VPS53: variants seen among roughly 807,000 people sequenced by gnomAD.
The protein encoded by VPS53 is VPS53 subunit of GARP complex.
Under a neutral mutation model 107.0 loss-of-function variants are expected in VPS53, and 70 were observed. That is an observed-to-expected ratio of 0.65 (90% CI 0.54 to 0.80). VPS53 has a LOEUF of 0.80. VPS53 is among the 30% of genes least tolerant of loss of function. VPS53 has a pLI of 0.00. For synonymous variants in VPS53, 409 were observed against 393.3 expected (o/e 1.04, Z -0.47); for missense variants, 917 against 1,049.4 (o/e 0.87, Z 1.74).
Position 537,054 on chromosome 17 carries a change from G to A in VPS53, c.1989C>T (p.Phe663=), listed in dbSNP as rs770117436. Residue 663 remains phenylalanine (F), a synonymous_variant, in exon 18 of 22, where the codon TTC becomes TTT. Transcript: ENST00000437048. The part of the protein sequence containing the change: ...RDNLASTRKY[F]TQFCVKFANS... ...TTGCAAATTTAACGCAGAACTGAGT[G>A]AAGTACTTGCGTGTGGAAGCCAGGT... 2 of 1,614,096 alleles carry A rather than the reference G, an allele frequency of 1.2e-6. No individual in the cohort carries two copies. The highest frequency in any genetic ancestry group is 3.3e-5 in the Admixed American group (2 of 60,002).
intron 5 of VPS53, chr17:657,420 G>A (rs1971238102): frequency 2.3e-6 from 2 of 861,204 alleles, no homozygotes; most frequent in African/African-American, 1.7e-5. Context: ...AATGATGAGG[G>A]GAAGACACTC....
chr17:664,654 T>C (rs1276905008), intron 4 of VPS53, among the ~76,000 whole-genome samples: 1 of 152,152 alleles, frequency 6.6e-6, no homozygotes, highest in African/African-American at 2.4e-5. Flanking sequence ...TCCTGGCTGC[T>C]GTGTGGCAAA....
intron 15 of VPS53, among the ~76,000 whole-genome samples, chr17:555,765 A>C (rs1912287989): frequency 6.6e-6 from 1 of 152,230 alleles, no homozygotes; most frequent in Non-Finnish European, 1.5e-5. Context: ...CATCATTATG[A>C]TGTAGTTTTC....
intron 12 of VPS53, among the ~76,000 whole-genome samples, chr17:593,603 G>A (rs920134619): frequency 7.1e-4 from 108 of 152,264 alleles, no homozygotes; most frequent in African/African-American, 2.3e-3. Context: ...TCAAAACCAC[G>A]ATGAGATACC....
intron 4 of VPS53, among the ~76,000 whole-genome samples, chr17:682,630 C>G (rs905579336): frequency 1.1e-4 from 17 of 152,212 alleles, no homozygotes; most frequent in African/African-American, 3.9e-4. Context: ...CACCCACTCT[C>G]AGGCTCTTTT....
chr17:522,016 G>A (rs1908800929), intron 19 of VPS53, among the ~76,000 whole-genome samples: 2 of 152,160 alleles, frequency 1.3e-5, no homozygotes, highest in South Asian at 4.1e-4. Flanking sequence ...CACTTCAGGA[G>A]GGCCAGGCAG....
At chr17:708,391 T>TA (rs1973499049) in intron 2 of VPS53, among the ~76,000 whole-genome samples, 1 of 152,210 alleles carries the variant, frequency 6.6e-6, no homozygotes, top group African/African-American at 2.4e-5. Flanking sequence ...TCTTTGCACT[T>TA]ATCAGAAAGA....
chr17:714,790 C>A lies in VPS53; in HGVS notation c.-81G>T. 1.3e-6 allele frequency: 2 copies of A among 1,524,734 alleles called. No individual in the cohort carries two copies. Among genetic ancestry groups the A allele is most frequent in the Non-Finnish European group, 9.1e-7 (1 of 1,102,152 alleles). The allele number at this position is 1,524,734 out of a possible 1,614,324, so 94.5% of individuals were successfully genotyped here. On this transcript the variant is annotated 5_prime_UTR_variant, in exon 1 of 22. Coordinates refer to ENST00000437048, the MANE Select transcript of VPS53 (RefSeq NM_001128159.3). ...CGCCACCCAGGCCCCAGCACAGCAACTCCCTCGCGGCAGCGACCTGGTGAG... is the reference window on the plus strand; with the variant it reads ...CGCCACCCAGGCCCCAGCACAGCAAATCCCTCGCGGCAGCGACCTGGTGAG...
chr17:547,473 G>T (rs946628595), intron 17 of VPS53, among the ~76,000 whole-genome samples: 8 of 152,140 alleles, frequency 5.3e-5, no homozygotes. Context: ...GTCAGGAGGG[G>T]CAAATCTATA....
Position 656,700 on chromosome 17 carries a change from A to ATGTGTGTGTGTGTGTGTG in VPS53, c.373-765_373-748dup, listed in dbSNP as rs34123743. On this transcript the variant is annotated intron_variant, in intron 5 of 21. Coordinates refer to ENST00000437048, the MANE Select transcript of VPS53 (RefSeq NM_001128159.3). ...TTTCTTGGTCCATGCTGACTAAGAA[A>ATGTGTGTGTGTGTGTGTG]TGTGTGTGTGTGTGTGTGTGTGTGT... 525 of 554,616 alleles carry ATGTGTGTGTGTGTGTGTG rather than the reference A, an allele frequency of 9.5e-4. 4 individuals carry two copies. Among genetic ancestry groups the ATGTGTGTGTGTGTGTGTG allele is most frequent in the African/African-American group, 8.3e-3 (432 of 52,084 alleles). The allele number at this position is 554,616 out of a possible 1,614,324, so 34.4% of individuals were successfully genotyped here. A position where few individuals can be genotyped will look rare whatever the true frequency, so the allele number is the denominator to read the frequency against.
In VPS53 at chr17:653,190, T is replaced by C. The variant is rs1018232960; in HGVS notation, c.608+101A>G. 1.9e-6 allele frequency: 3 copies of C among 1,559,954 alleles called. No homozygotes were observed. The African/African-American group carries it at 4.1e-5, about 21-fold the overall frequency. ...TTACCTTTTGGAAAGCTGCCGGATC[T>C]GCGGAATCCCCATATACTTTCCCTC... On this transcript the variant is annotated intron_variant, in intron 7 of 21. Coordinates refer to ENST00000437048, the MANE Select transcript of VPS53 (RefSeq NM_001128159.3).
At chr17:546,870 C>CTTTTTTTTT (rs60940748) in intron 17 of VPS53, among the ~76,000 whole-genome samples, 1 of 83,334 alleles carries the variant, frequency 1.2e-5, no homozygotes, top group Non-Finnish European at 2.2e-5. Flanking sequence ...CCCTTAGATC[C>CTTTTTTTTT]TTTTTTTTTT....
rs1908001628 is a variant in VPS53 at position 512,407 on chromosome 17, C to A, written c.*6721G>T. The A allele has an allele frequency of 6.6e-6, 1 of 152,216 alleles. No homozygotes were observed. Among genetic ancestry groups the A allele is most frequent in the Non-Finnish European group, 1.5e-5 (1 of 68,044 alleles). 9.4% of individuals were successfully genotyped at this position (152,216 alleles called of 1,614,324 possible). A position where few individuals can be genotyped will look rare whatever the true frequency, so the allele number is the denominator to read the frequency against. On this transcript the variant is annotated 3_prime_UTR_variant, in exon 22 of 22. Coordinates refer to ENST00000437048, the MANE Select transcript of VPS53 (RefSeq NM_001128159.3). ...AGTGCCAGGTCCAAATCAAGACCTG[C>A]AGATCAAGTCTTCTGTGGATGCTTC... is the stretch of plus-strand genomic sequence containing the variant.
At chr17:615,967 C>T (rs976729540) in intron 11 of VPS53, 2 of 152,208 alleles carry the variant, frequency 1.3e-5, no homozygotes, top group African/African-American at 4.8e-5. Context: ...TGAAGAAGGT[C>T]GTGCACGGCC....
chr17:643,104 C>T (rs1355489666), intron 7 of VPS53, among the ~76,000 whole-genome samples: 1 of 120,274 alleles, frequency 8.3e-6, no homozygotes, highest in Non-Finnish European at 1.9e-5. Context: ...TACTTGGAAA[C>T]CGAGGACAAC....
chr17:632,223 G>A (rs1277816651), intron 7 of VPS53, among the ~76,000 whole-genome samples: 2 of 152,126 alleles, frequency 1.3e-5, no homozygotes, highest in African/African-American at 2.4e-5. Context: ...ACTCCAGCCT[G>A]GGTGACAGAG....
At chr17:625,697 T>A (rs899113584) in intron 10 of VPS53, among the ~76,000 whole-genome samples, 1 of 152,204 alleles carries the variant, frequency 6.6e-6, no homozygotes, top group African/African-American at 2.4e-5. Flanking sequence ...AATTCTGCTG[T>A]GAACCTAAAA....
intron 11 of VPS53, among the ~76,000 whole-genome samples, chr17:609,018 G>A (rs905169378): frequency 3.3e-5 from 5 of 151,986 alleles, no homozygotes; most frequent in Non-Finnish European, 7.4e-5. Flanking sequence ...AAATTGTGAT[G>A]TAATTCATGT....
chr17:591,629 G>A (rs972239400), intron 12 of VPS53, among the ~76,000 whole-genome samples: 2 of 152,052 alleles, frequency 1.3e-5, no homozygotes, highest in African/African-American at 2.4e-5. Flanking sequence ...CCTTCATTTC[G>A]TTATGTACCC....
Sources: gnomAD v4.1 joint callset for allele counts (sites outside exome capture counted in the v4.1 genomes callset) on GRCh38, gnomAD v4.1.1 for gene constraint, MANE v1.5 for transcripts, NCBI Gene and HGNC (gene_info 2026-07-23, HGNC 2026-07-21) for gene names.